HPSE2: variants seen among roughly 807,000 people sequenced by gnomAD.
The protein encoded by HPSE2 is heparanase 2 (inactive), also known as inactive heparanase-2.
In HPSE2, 38 loss-of-function variants were observed where a neutral mutation model predicts 60.5. The ratio of observed to expected loss-of-function variants is 0.63; its 90% CI spans 0.48 to 0.82. HPSE2 has a LOEUF of 0.82. HPSE2 is among the 40% of genes least tolerant of loss of function. The pLI is 0.00. For missense variants in HPSE2, 713 were observed against 740.4 expected (o/e 0.96, Z 0.43); for synonymous variants, 295 against 293.2 (o/e 1.01, Z -0.06).
At chr10:98,696,314 A>T (rs548693343) in intron 5 of HPSE2, among the ~76,000 whole-genome samples, 8 of 151,022 alleles carry the variant, frequency 5.3e-5, no homozygotes. Flanking sequence ...AAAAAAAAAA[A>T]AAAACCATAA....
intron 9 of HPSE2, among the ~76,000 whole-genome samples, chr10:98,613,893 G>C (rs539960501): frequency 6.6e-6 from 1 of 152,150 alleles, no homozygotes; most frequent in African/African-American, 2.4e-5. Context: ...AGGATAACCC[G>C]TGTAATATTT....
chr10:98,482,812 G>A (rs1477439259), intron 10 of HPSE2, 30 bp from the exon 11 acceptor site: 1 of 1,613,094 alleles, frequency 6.2e-7, no homozygotes, highest in Admixed American at 1.7e-5. Context: ...AGAAGTGAAA[G>A]ATGGAAACAA....
At chr10:98,706,772 G>C (rs1453583647) in intron 5 of HPSE2, among the ~76,000 whole-genome samples, 2 of 152,160 alleles carry the variant, frequency 1.3e-5, no homozygotes, top group South Asian at 2.1e-4. Context: ...ACAAGTAAGG[G>C]AATGGCAGGA....
intron 3 of HPSE2, among the ~76,000 whole-genome samples, chr10:98,976,482 C>G (rs985451253): frequency 2.0e-5 from 3 of 152,114 alleles, no homozygotes; most frequent in Non-Finnish European, 4.4e-5. Flanking sequence ...AATTCCAGAG[C>G]CTGCATTCCA....
intron 3 of HPSE2, among the ~76,000 whole-genome samples, chr10:99,099,596 A>G (rs931617726): frequency 6.6e-6 from 1 of 152,208 alleles, no homozygotes; most frequent in African/African-American, 2.4e-5. Context: ...AGGCAGCAGA[A>G]ACCTCTGCAG....
chr10:98,638,372 G>A (rs145230736), intron 7 of HPSE2, among the ~76,000 whole-genome samples: 35 of 151,758 alleles, frequency 2.3e-4, no homozygotes, highest in African/African-American at 7.8e-4. Flanking sequence ...GTGAACCCGG[G>A]AGGCGGAGCT....
intron 3 of HPSE2, among the ~76,000 whole-genome samples, chr10:98,893,879 T>C (rs924512174): frequency 6.2e-5 from 9 of 146,132 alleles, no homozygotes; most frequent in African/African-American, 1.8e-4. Context: ...CTCAAAGGGC[T>C]ATACCATAAT....
chr10:99,162,287 T>G (rs919235586), intron 2 of HPSE2, among the ~76,000 whole-genome samples: 9 of 152,218 alleles, frequency 5.9e-5, no homozygotes, highest in African/African-American at 2.2e-4. Context: ...TAGTTTAAAA[T>G]GAACCATCTT....
At chr10:98,837,166 A>G (rs1271790734) in intron 3 of HPSE2, among the ~76,000 whole-genome samples, 1 of 152,252 alleles carries the variant, frequency 6.6e-6, no homozygotes, top group Admixed American at 6.5e-5. Flanking sequence ...ACTTTAACCT[A>G]TTCAAGTTGA....
intron 6 of HPSE2, 25 bp from the exon 7 acceptor site, chr10:98,641,965 C>T: frequency 6.4e-7 from 1 of 1,574,254 alleles, no homozygotes; most frequent in Non-Finnish European, 8.7e-7. Context: ...AAATAAGAAT[C>T]AGATAAAATC....
At chr10:99,240,047 G>A (rs567762989), upstream of HPSE2, among the ~76,000 whole-genome samples, 1 of 151,918 alleles carries the variant, frequency 6.6e-6, no homozygotes, top group Non-Finnish European at 1.5e-5. Context: ...AACTTAGCTG[G>A]GCATGGTGGT....
At chr10:98,820,856 T>C (rs1242679871) in intron 3 of HPSE2, among the ~76,000 whole-genome samples, 2 of 152,204 alleles carry the variant, frequency 1.3e-5, no homozygotes, top group Non-Finnish European at 2.9e-5. Flanking sequence ...ATGTTCTTCA[T>C]GCTGTAGAAG....
intron 2 of HPSE2, among the ~76,000 whole-genome samples, chr10:99,185,602 A>G (rs960626044): frequency 1.3e-5 from 2 of 151,798 alleles, no homozygotes; most frequent in Non-Finnish European, 2.9e-5. Flanking sequence ...GTGAAACCCC[A>G]TCTCTACTAA....
At position 99,163,349 on chromosome 10, in the gene HPSE2, TA is replaced by T. The variant is rs1846924403; in HGVS notation, c.449-18951del. 3.3e-5 allele frequency among the ~76,000 whole-genome samples: 5 copies of T among 152,346 alleles called. No individual in the cohort carries two copies. In the South Asian group the frequency reaches 1.0e-3, roughly 32 times the overall value. On this transcript the variant is annotated intron_variant, in intron 2 of 11. Transcript: ENST00000370552. ...CATTTTGCCATATTTCCTTCAGATT[TA>T]TTTAAAGAAATAAAATAGTTCAAAA... is the stretch of plus-strand genomic sequence containing the variant.
chr10:99,044,259 C>T (rs1957805291), intron 3 of HPSE2, among the ~76,000 whole-genome samples: 1 of 152,152 alleles, frequency 6.6e-6, no homozygotes, highest in East Asian at 1.9e-4. Flanking sequence ...CCAAACTAAG[C>T]TTGAAATGTG....
intron 4 of HPSE2, among the ~76,000 whole-genome samples, chr10:98,736,924 G>T (rs1026637349): frequency 1.3e-5 from 2 of 152,182 alleles, no homozygotes; most frequent in Non-Finnish European, 2.9e-5. Context: ...ATGCAAGAAT[G>T]ACTAAATACC....
chr10:99,208,573 C>A (rs1433869176), intron 2 of HPSE2, among the ~76,000 whole-genome samples: 1 of 151,880 alleles, frequency 6.6e-6, no homozygotes. Context: ...ATAGTCCCAA[C>A]TATGTGAGAG....
At chr10:98,590,016 T>G (rs1019645968) in intron 9 of HPSE2, among the ~76,000 whole-genome samples, 1 of 152,244 alleles carries the variant, frequency 6.6e-6, no homozygotes, top group African/African-American at 2.4e-5. Context: ...GAGATGAGGT[T>G]AATTAGAAAG....
intron 4 of HPSE2, among the ~76,000 whole-genome samples, chr10:98,732,969 A>G (rs926050032): frequency 1.3e-5 from 2 of 152,246 alleles, no homozygotes; most frequent in Admixed American, 1.3e-4. Flanking sequence ...CTGATATTTC[A>G]CAAATTAAGA....
Sources: allele counts gnomAD v4.1 joint callset (sites outside exome capture counted in the v4.1 genomes callset), GRCh38; gene constraint gnomAD v4.1.1; transcripts MANE v1.5; gene names NCBI Gene and HGNC (gene_info 2026-07-23, HGNC 2026-07-21).